The following BASP1 variants were observed in gnomAD, a reference collection of about 807,000 sequenced individuals.
The protein encoded by BASP1 is brain acid soluble protein 1.
A neutral mutation model predicts 2.2 loss-of-function variants in BASP1; 1 was observed. The observed-to-expected ratio is 0.46, with a 90% CI of 0.16 to 2.17. The LOEUF (loss-of-function observed/expected upper bound fraction) is 2.17. Among genes scored for constraint, BASP1 ranks in the 30% most tolerant of loss-of-function variants. The probability of loss-of-function intolerance (pLI) is 0.27; values close to 1 mark genes in which losing one functional copy is unlikely to be tolerated. For missense variants in BASP1, 352 were observed against 327.2 expected, an observed-to-expected ratio of 1.08 and a Z score of -0.58; for synonymous variants, 187 against 154.2, an observed-to-expected ratio of 1.21 and a Z score of -1.58.
At chr5:17,234,625 A>C (rs1739706362) in intron 1 of BASP1, among the ~76,000 whole-genome samples, 1 of 152,224 alleles carries the variant, frequency 6.6e-6, no homozygotes, top group Admixed American at 6.5e-5. Flanking sequence ...ACCACACTAA[A>C]ATATTGCAGA....
At position 17,241,083 on chromosome 5, in the gene BASP1, C is replaced by A. The variant is rs74290316; in HGVS notation, c.-10+23273C>A. Among the ~76,000 whole-genome samples the A allele has an allele frequency of 2.5e-3, 380 of 151,378 alleles. 7 individuals are homozygous for A. The East Asian group carries it at 0.053, about 21-fold the overall frequency. On this transcript the variant is annotated intron_variant, in intron 1 of 1. Transcript: ENST00000322611. ...GGCAGGCCACATTCTAAGCTTTACA[C>A]AGATTGACATTTTCCTTTTTTTTTT...
At chr5:17,218,564 G>A (rs1276906850) in intron 1 of BASP1, among the ~76,000 whole-genome samples, 6 of 152,086 alleles carry the variant, frequency 3.9e-5, no homozygotes, top group Admixed American at 3.3e-4. Flanking sequence ...TTCCAAGAAT[G>A]CGCCAGGCGC....
intron 1 of BASP1, among the ~76,000 whole-genome samples, chr5:17,259,920 T>C (rs543940444): frequency 6.6e-6 from 1 of 152,342 alleles, no homozygotes; most frequent in Admixed American, 6.5e-5. Context: ...TGGAGAATTC[T>C]AAATTAGTTG....
chr5:17,223,315 T>C (rs1739426673), intron 1 of BASP1, among the ~76,000 whole-genome samples: 1 of 152,248 alleles, frequency 6.6e-6, no homozygotes, highest in African/African-American at 2.4e-5. Flanking sequence ...ATGGTTACTG[T>C]AAGTATTAAA....
chr5:17,262,285 A>T (rs757393214), intron 1 of BASP1, among the ~76,000 whole-genome samples: 6 of 152,148 alleles, frequency 3.9e-5, no homozygotes, highest in Non-Finnish European at 8.8e-5. Context: ...CCTTTGACAT[A>T]AACACTTTGC....
intron 1 of BASP1, among the ~76,000 whole-genome samples, chr5:17,248,004 A>G (rs1177278326): frequency 2.0e-5 from 3 of 152,210 alleles, no homozygotes; most frequent in African/African-American, 7.2e-5. Flanking sequence ...GCCCAGGGTC[A>G]TCCCTCCCCT....
chr5:17,234,703 C>T (rs1188446688), intron 1 of BASP1, among the ~76,000 whole-genome samples: 3 of 152,104 alleles, frequency 2.0e-5, no homozygotes, highest in Non-Finnish European at 4.4e-5. Flanking sequence ...TGGGTGAAGG[C>T]AAACAAGGAA....
intron 1 of BASP1, among the ~76,000 whole-genome samples, chr5:17,224,451 A>AG (rs1170221123): frequency 2.0e-4 from 25 of 127,626 alleles, no homozygotes; most frequent in Non-Finnish European, 3.4e-4. Flanking sequence ...TGGACTCTTC[A>AG]GGGGGGGAAA....
At chr5:17,268,827 G>A (rs1005201299) in intron 1 of BASP1, among the ~76,000 whole-genome samples, 1 of 152,120 alleles carries the variant, frequency 6.6e-6, no homozygotes, top group African/African-American at 2.4e-5. Context: ...GCTCTCAATA[G>A]TAAGAAGGAG....
In BASP1 at chr5:17,275,911, C is replaced by G. The variant is rs1740645604; in HGVS notation, c.*11C>G. On this transcript the variant is annotated 3_prime_UTR_variant, in exon 2 of 2. Transcript: ENST00000322611. This position sits in a 1 kb window ranked among gnomAD's most constrained non-coding sequence, Gnocchi z 5.3. ...ACCGTGAAAGAGTGACAAGGACAGC[C>G]TATAGGAAAAACAATACCACTTAAA... is the stretch of plus-strand genomic sequence containing the variant. The G allele has an allele frequency of 6.4e-7, 1 of 1,555,636 alleles. No individual in the cohort carries two copies. Among genetic ancestry groups the G allele is most frequent in the Non-Finnish European group, 8.7e-7 (1 of 1,153,404 alleles).
At chr5:17,231,454 T>A (rs1333728772) in intron 1 of BASP1, among the ~76,000 whole-genome samples, 1 of 152,056 alleles carries the variant, frequency 6.6e-6, no homozygotes, top group Admixed American at 6.6e-5. Flanking sequence ...GGCCTAACTC[T>A]CCATTAAACC....
intron 1 of BASP1, among the ~76,000 whole-genome samples, chr5:17,250,681 T>C (rs1740084269): frequency 6.6e-6 from 1 of 152,144 alleles, no homozygotes; most frequent in South Asian, 2.1e-4. Flanking sequence ...CTCGGCTCAC[T>C]GTAAGCTCCA....
At chr5:17,274,184 A>G (rs1011575687) in intron 1 of BASP1, among the ~76,000 whole-genome samples, 6 of 152,212 alleles carry the variant, frequency 3.9e-5, no homozygotes, top group Non-Finnish European at 7.3e-5. Flanking sequence ...GTGCATGTAT[A>G]GTTTGAATTC....
At chr5:17,261,168 C>T (rs984200832) in intron 1 of BASP1, among the ~76,000 whole-genome samples, 3 of 152,214 alleles carry the variant, frequency 2.0e-5, no homozygotes, top group Admixed American at 6.5e-5. Flanking sequence ...AATTAAGGTT[C>T]GTTTTTTTAC....
chr5:17,243,192 A>G (rs1179210714), intron 1 of BASP1, among the ~76,000 whole-genome samples: 2 of 150,786 alleles, frequency 1.3e-5, no homozygotes, highest in African/African-American at 4.9e-5. Flanking sequence ...TCTGTCGCCC[A>G]GGCTGGAGTG....
intron 1 of BASP1, among the ~76,000 whole-genome samples, chr5:17,225,779 G>A (rs927008533): frequency 6.6e-5 from 10 of 152,248 alleles, no homozygotes; most frequent in African/African-American, 2.2e-4. Context: ...GATTTCTAGC[G>A]TTATCTGGCT....
intron 1 of BASP1, among the ~76,000 whole-genome samples, chr5:17,256,031 G>T (rs1384374051): frequency 6.6e-6 from 1 of 152,126 alleles, no homozygotes; most frequent in East Asian, 1.9e-4. Flanking sequence ...GGAATCTTGA[G>T]GTGTCCTCTT....
intron 1 of BASP1, among the ~76,000 whole-genome samples, chr5:17,242,122 A>AG (rs1282433417): frequency 6.6e-6 from 1 of 152,186 alleles, no homozygotes; most frequent in African/African-American, 2.4e-5. Flanking sequence ...TCCTTCGACT[A>AG]GGAAGGCGTT....
exon 1 of BASP1, chr5:17,217,626 GCGGCAGTAGCGGCAGCGGCGACGA>G (rs1739284206): frequency 6.4e-6 from 1 of 156,396 alleles, no homozygotes; most frequent in African/African-American, 2.4e-5. Context: ...GGCGGCGGCG[GCGGCAGTAGCGGCAGCGGCGACGA>G]CGGCGGCGGC....
Sources: gnomAD v4.1 joint callset for allele counts (sites outside exome capture counted in the v4.1 genomes callset) on GRCh38, gnomAD v4.1.1 for gene constraint, Gnocchi (gnomAD v3.1) non-coding constraint, MANE v1.5 for transcripts, NCBI Gene and HGNC (gene_info 2026-07-23, HGNC 2026-07-21) for gene names.